Variants in SLC9C2 observed in about 807,000 individuals in gnomAD.
SLC9C2 encodes the protein sodium/hydrogen exchanger 11.
SLC9C2 carries 75 observed loss-of-function variants against 140.2 expected under a neutral mutation model. That is an observed-to-expected ratio of 0.53 (90% CI 0.44 to 0.65). The LOEUF (loss-of-function observed/expected upper bound fraction) is 0.65. Among genes scored for constraint, SLC9C2 ranks in the 30% least tolerant of loss-of-function variants. The pLI, the probability that SLC9C2 is intolerant of heterozygous loss-of-function variation, is 0.00. For synonymous variants in SLC9C2, 375 were observed against 420.9 expected, an observed-to-expected ratio of 0.89 and a Z score of 1.34; for missense variants, 1,074 against 1,331.8, an observed-to-expected ratio of 0.81 and a Z score of 3.01.
At position 173,521,289 on chromosome 1, in the gene SLC9C2, A is replaced by G. The variant is rs755295157; in HGVS notation, c.2739+12T>C. On this transcript the variant is annotated intron_variant, in intron 22 of 27. Coordinates refer to ENST00000367714, the MANE Select transcript of SLC9C2 (RefSeq NM_178527.4). ...TAAGTAAAAAAAAAAAAAAAAATCA[A>G]TAGTCCCTTACAATTGCCATTCCTG... The G allele has an allele frequency of 1.8e-5, 26 of 1,415,526 alleles. No homozygotes were observed. In the Middle Eastern group the frequency reaches 5.4e-4, roughly 29 times the overall value. 87.7% of individuals were successfully genotyped at this position (1,415,526 alleles called of 1,614,324 possible).
intron 25 of SLC9C2, 74 bp downstream of exon 25, chr1:173,506,782 G>T: frequency 1.6e-6 from 2 of 1,241,638 alleles, no homozygotes; most frequent in East Asian, 2.4e-5. Context: ...TTTTTAAGGT[G>T]ATCAGTTGAG....
intron 4 of SLC9C2, among the ~76,000 whole-genome samples, chr1:173,595,241 C>CA (rs1242129526): frequency 6.6e-6 from 1 of 152,000 alleles, no homozygotes; most frequent in Non-Finnish European, 1.5e-5. Flanking sequence ...TCTTAAGGAC[C>CA]CAGGCTCTTT....
intron 5 of SLC9C2, among the ~76,000 whole-genome samples, chr1:173,585,598 T>C (rs1665804305): frequency 6.6e-6 from 1 of 152,238 alleles, no homozygotes; most frequent in East Asian, 1.9e-4. Flanking sequence ...TCTAACCTCC[T>C]GAGTGTTATT....
chr1:173,509,848 A>G (rs1204554460), intron 23 of SLC9C2, 149 bp from the exon 24 acceptor site: 5 of 809,062 alleles, frequency 6.2e-6, no homozygotes, highest in Admixed American at 3.5e-5. Context: ...AAGCATTTGT[A>G]TTGTGAAAAT....
intron 18 of SLC9C2, among the ~76,000 whole-genome samples, chr1:173,529,324 C>A (rs111858536): frequency 6.6e-6 from 1 of 152,064 alleles, no homozygotes; most frequent in Non-Finnish European, 1.5e-5. Flanking sequence ...CACTCTTTTG[C>A]GAGTGACTGG....
Position 173,509,649 on chromosome 1 carries a change from C to T in SLC9C2, c.2958G>A (p.Trp986Ter). Residue 986 changes from tryptophan to a stop codon, truncating the protein, a stop_gained, in exon 24 of 28, where the codon TGG becomes TGA. Coordinates refer to ENST00000367714, the MANE Select transcript of SLC9C2 (RefSeq NM_178527.4). LOFTEE classifies it high-confidence loss of function. ...GCCATATTTTATATTCCAGAGATGG[C>T]CAGAAGGCATCAAAGCCTTCATATA... ...EDLYEGFDAF[W>*]PSLEYKIWLK... 6.3e-7 allele frequency: 1 copy of T among 1,595,596 alleles called. No homozygotes were observed. Among genetic ancestry groups the T allele is most frequent in the Non-Finnish European group, 8.5e-7 (1 of 1,175,128 alleles).
At chr1:173,538,261 G>A (rs764976457) in intron 13 of SLC9C2, among the ~76,000 whole-genome samples, 16 of 152,180 alleles carry the variant, frequency 1.1e-4, no homozygotes, top group Non-Finnish European at 1.9e-4. Flanking sequence ...GATGGCCCTG[G>A]TAGGATGTCC....
chr1:173,577,058 A>T (rs1316413213), intron 7 of SLC9C2, among the ~76,000 whole-genome samples: 1 of 152,242 alleles, frequency 6.6e-6, no homozygotes, highest in African/African-American at 2.4e-5. Flanking sequence ...GTGTCCAGTA[A>T]AACTTGGTTT....
chr1:173,565,266 T>A (rs1324012328), intron 9 of SLC9C2, among the ~76,000 whole-genome samples: 1 of 152,232 alleles, frequency 6.6e-6, no homozygotes, highest in Non-Finnish European at 1.5e-5. Flanking sequence ...GGATTATTAC[T>A]CAAGAAATCT....
At chr1:173,528,661 C>T (rs1661370033) in intron 18 of SLC9C2, among the ~76,000 whole-genome samples, 1 of 152,108 alleles carries the variant, frequency 6.6e-6, no homozygotes, top group South Asian at 2.1e-4. Flanking sequence ...TAACCGTCAC[C>T]ACAAAAAATA....
chr1:173,549,232 T>C (rs1427444576), intron 11 of SLC9C2, among the ~76,000 whole-genome samples: 2 of 152,222 alleles, frequency 1.3e-5, no homozygotes, highest in Non-Finnish European at 2.9e-5. Context: ...AAGGGTTAAA[T>C]GGCTTCTAAA....
chr1:173,525,198 C>T (rs1400073494), intron 19 of SLC9C2, among the ~76,000 whole-genome samples: 1 of 152,128 alleles, frequency 6.6e-6, no homozygotes, highest in East Asian at 1.9e-4. Flanking sequence ...TATTATGGAA[C>T]TCATTACATT....
At chr1:173,522,278 C>G (rs1660884006) in intron 21 of SLC9C2, among the ~76,000 whole-genome samples, 1 of 151,880 alleles carries the variant, frequency 6.6e-6, no homozygotes, top group Admixed American at 6.6e-5. Context: ...TCGGTGAGGA[C>G]TTTACAGCAG....
intron 9 of SLC9C2, among the ~76,000 whole-genome samples, chr1:173,566,925 T>C (rs1664510803): frequency 6.6e-6 from 1 of 152,122 alleles, no homozygotes; most frequent in South Asian, 2.1e-4. Flanking sequence ...CCTTCTTAAT[T>C]TCTTCATTGA....
At chr1:173,579,795 A>C (rs918192963) in intron 7 of SLC9C2, among the ~76,000 whole-genome samples, 2 of 152,226 alleles carry the variant, frequency 1.3e-5, no homozygotes, top group African/African-American at 2.4e-5. Context: ...CATACTGCTT[A>C]ACCAAACAAC....
At position 173,524,091 on chromosome 1, in the gene SLC9C2, G is replaced by A; in HGVS notation, c.2518C>T (p.Leu840Phe). The change falls in exon 21 of 28, where the codon CTT (leucine) becomes TTT (phenylalanine). Residue 840 changes from leucine (L) to phenylalanine (F), a missense_variant. Physicochemically the swap from Leu to Phe is conservative, Grantham distance 22. Coordinates refer to ENST00000367714, the MANE Select transcript of SLC9C2 (RefSeq NM_178527.4). ...TTTAGTGCTTTTAATTTTTTAAGAA[G>A]TACCTAAAAACAAATAATCAAAATA... is the stretch of plus-strand genomic sequence containing the variant. ...KHEVIEINKVLLKKLKALNNF... is the reference protein window; with the variant it reads ...KHEVIEINKVFLKKLKALNNF... 5 of 1,607,090 alleles carry A rather than the reference G, an allele frequency of 3.1e-6. No homozygotes were observed. Among genetic ancestry groups the A allele is most frequent in the East Asian group, 2.2e-5 (1 of 44,758 alleles).
intron 12 of SLC9C2, 143 bp from the exon 13 acceptor site, chr1:173,547,927 GT>G (rs541561488): frequency 1.6e-6 from 1 of 624,060 alleles, no homozygotes; most frequent in East Asian, 2.9e-5. Flanking sequence ...GCTATGTAAT[GT>G]TTTTTCATAT....
At chr1:173,542,496 C>G (rs546043938) in intron 13 of SLC9C2, among the ~76,000 whole-genome samples, 1 of 152,336 alleles carries the variant, frequency 6.6e-6, no homozygotes, top group African/African-American at 2.4e-5. Context: ...GGAATCCTCC[C>G]TAACTCATTT....
At chr1:173,577,323 G>A (rs1479775398) in intron 7 of SLC9C2, among the ~76,000 whole-genome samples, 1 of 152,212 alleles carries the variant, frequency 6.6e-6, no homozygotes, top group Non-Finnish European at 1.5e-5. Flanking sequence ...GCCAAGCTCA[G>A]TGCTTCTGAT....
Sources: gnomAD v4.1 joint callset for allele counts (sites outside exome capture counted in the v4.1 genomes callset) on GRCh38, gnomAD v4.1.1 for gene constraint, MANE v1.5 for transcripts, NCBI Gene and HGNC (gene_info 2026-07-23, HGNC 2026-07-21) for gene names.